Variants in ACAP2 observed in about 807,000 individuals in gnomAD.
ACAP2 encodes the protein ArfGAP with coiled-coil, ankyrin repeat and PH domains 2.
A neutral mutation model predicts 115.8 loss-of-function variants in ACAP2; 39 were observed. The observed-to-expected ratio is 0.34, with a 90% CI of 0.26 to 0.44. The LOEUF (loss-of-function observed/expected upper bound fraction) is 0.44. Ranked by LOEUF, ACAP2 falls within the 20% of genes least tolerant of loss-of-function variation. The pLI is 1.00. For synonymous variants in ACAP2, 289 were observed against 315.8 expected (o/e 0.92, Z 0.90); for missense variants, 662 against 927.6 (o/e 0.71, Z 3.72).
At chr3:195,292,565 A>T in intron 18 of ACAP2, 113 bp from the exon 19 acceptor site, 1 of 972,082 alleles carries the variant, frequency 1.0e-6, no homozygotes, top group Non-Finnish European at 1.5e-6. Flanking sequence ...CTGTGGATGA[A>T]TGGCAGTAAA....
intron 9 of ACAP2, among the ~76,000 whole-genome samples, chr3:195,326,079 G>A (rs934948095): frequency 2.0e-5 from 3 of 152,012 alleles, no homozygotes; most frequent in East Asian, 1.9e-4. Flanking sequence ...TTCTATATCA[G>A]ATCTAGTTTA....
intron 4 of ACAP2, among the ~76,000 whole-genome samples, chr3:195,347,885 A>G (rs995687111): frequency 6.6e-6 from 1 of 152,062 alleles, no homozygotes; most frequent in Non-Finnish European, 1.5e-5. Context: ...GGTGGCACAC[A>G]CTTGTAGTCC....
At chr3:195,396,566 TC>T (rs902299249) in intron 1 of ACAP2, among the ~76,000 whole-genome samples, 7 of 152,002 alleles carry the variant, frequency 4.6e-5, no homozygotes, top group African/African-American at 1.7e-4. Flanking sequence ...GACAGGCAGA[TC>T]ACTTGAGGTC....
chr3:195,384,036 T>C (rs895175088), intron 2 of ACAP2, among the ~76,000 whole-genome samples: 3 of 152,208 alleles, frequency 2.0e-5, no homozygotes, highest in Admixed American at 1.3e-4. Flanking sequence ...GAGTGTAAAT[T>C]GGTACAATAT....
chr3:195,309,879 T>C (rs1728650739), intron 10 of ACAP2, among the ~76,000 whole-genome samples: 1 of 152,114 alleles, frequency 6.6e-6, no homozygotes, highest in Admixed American at 6.5e-5. Context: ...GTATTACATA[T>C]TTACTAATTC....
Position 195,310,881 on chromosome 3 carries a change from C to T in ACAP2, c.858-2044G>A, listed in dbSNP as rs529069801. Reference sequence around the variant, plus strand: ...TAATTTTACATCTCTTAAGGAAAAACGTCATATATCCTAGGTAGAAAACAT... The same window carrying T: ...TAATTTTACATCTCTTAAGGAAAAATGTCATATATCCTAGGTAGAAAACAT... On this transcript the variant is annotated intron_variant, in intron 10 of 22. Transcript: ENST00000326793. Among the ~76,000 whole-genome samples the T allele has an allele frequency of 3.9e-5, 6 of 152,040 alleles. No homozygotes were observed. In the East Asian group the frequency reaches 7.7e-4, roughly 20 times the overall value.
rs1478958375 is a variant in ACAP2, at chr3:195,403,564, A to G, written c.54-11417T>C. ...TGAGAAATGCTAAGATTCTGGATAT[A>G]TTTTGTATGTAGAACCAAGAGGATT... On this transcript the variant is annotated intron_variant, in intron 1 of 22. Transcript: ENST00000326793. 2.6e-5 allele frequency among the ~76,000 whole-genome samples: 4 copies of G among 152,368 alleles called. 1 individual carries two copies. The highest frequency in any genetic ancestry group is 5.9e-5 in the Non-Finnish European group (4 of 68,034).
intron 18 of ACAP2, among the ~76,000 whole-genome samples, chr3:195,293,990 T>A (rs1203009299): frequency 1.3e-5 from 2 of 149,694 alleles, no homozygotes; most frequent in South Asian, 4.3e-4. Flanking sequence ...AAAAAAAAAA[T>A]TAGCCAGGCA....
chr3:195,401,640 T>C (rs1228362105), intron 1 of ACAP2, among the ~76,000 whole-genome samples: 1 of 152,144 alleles, frequency 6.6e-6, no homozygotes, highest in Non-Finnish European at 1.5e-5. Context: ...GCGCTCCAGC[T>C]TGGGAGACAG....
chr3:195,283,252 G>A (rs1273631840), intron 22 of ACAP2, among the ~76,000 whole-genome samples: 1 of 152,072 alleles, frequency 6.6e-6, no homozygotes, highest in Admixed American at 6.6e-5. Context: ...TCTCCTAAGG[G>A]CTACTGGGAC....
At chr3:195,426,021 T>C (rs1407053098) in intron 1 of ACAP2, among the ~76,000 whole-genome samples, 1 of 152,206 alleles carries the variant, frequency 6.6e-6, no homozygotes, top group Non-Finnish European at 1.5e-5. Flanking sequence ...GCTAAAAGCT[T>C]TCTAATTGCT....
At chr3:195,436,216 T>C (rs1715534618) in intron 1 of ACAP2, among the ~76,000 whole-genome samples, 1 of 151,392 alleles carries the variant, frequency 6.6e-6, no homozygotes, top group Admixed American at 6.6e-5. Context: ...AACCTCCACC[T>C]CTCCCAGGCT....
chr3:195,389,664 T>C (rs1734525634), intron 2 of ACAP2, among the ~76,000 whole-genome samples: 1 of 152,066 alleles, frequency 6.6e-6, no homozygotes, highest in African/African-American at 2.4e-5. Flanking sequence ...ATAAATGTAA[T>C]GCCTCAGGGT....
At chr3:195,312,856 C>G (rs532756146) in intron 10 of ACAP2, 3 of 152,264 alleles carry the variant, frequency 2.0e-5, no homozygotes, top group Admixed American at 1.3e-4. Context: ...TGCAAGTAAT[C>G]CAACTGGAAT....
At chr3:195,405,909 G>A (rs1433619669) in intron 1 of ACAP2, among the ~76,000 whole-genome samples, 1 of 152,094 alleles carries the variant, frequency 6.6e-6, no homozygotes, top group Non-Finnish European at 1.5e-5. Flanking sequence ...AACAGATCTT[G>A]TGAGAACTTC....
At chr3:195,281,768 AAAAT>A (rs1474605646) in intron 22 of ACAP2, among the ~76,000 whole-genome samples, 3 of 152,240 alleles carry the variant, frequency 2.0e-5, no homozygotes, top group African/African-American at 7.2e-5. Context: ...TAAAAGATAG[AAAAT>A]AAATAGAGCA....
intron 10 of ACAP2, among the ~76,000 whole-genome samples, chr3:195,317,079 G>A (rs1729143929): frequency 6.6e-6 from 1 of 151,374 alleles, no homozygotes; most frequent in African/African-American, 2.4e-5. Flanking sequence ...TGTATTTTTA[G>A]TAGAGATGGG....
rs1458615235 is a variant in ACAP2, at chr3:195,294,564, G to A, written c.1765+155C>T. ...CTGCACTCCAGCCTGGGCAGTAAGA[G>A]TGAAACTCCATCTCAAAAAAAAAAG... On this transcript the variant is annotated intron_variant, in intron 18 of 22. Coordinates refer to ENST00000326793, the MANE Select transcript of ACAP2 (RefSeq NM_012287.6). Among the ~76,000 whole-genome samples, 22 of 128,444 alleles carry A rather than the reference G, an allele frequency of 1.7e-4. 1 individual carries two copies. The highest frequency in any genetic ancestry group is 2.5e-4 in the South Asian group (1 of 3,926). The allele number at this position is 128,444 out of a possible 152,430, so 84.3% of individuals were successfully genotyped here. A position where few individuals can be genotyped will look rare whatever the true frequency, so the allele number is the denominator to read the frequency against.
intron 4 of ACAP2, among the ~76,000 whole-genome samples, chr3:195,359,553 T>C: frequency 6.6e-6 from 1 of 152,188 alleles, no homozygotes. Flanking sequence ...CTGCAAGCTC[T>C]GCCTCCGGGG....
Sources: gnomAD v4.1 joint callset for allele counts (sites outside exome capture counted in the v4.1 genomes callset) on GRCh38, gnomAD v4.1.1 for gene constraint, MANE v1.5 for transcripts, NCBI Gene and HGNC (gene_info 2026-07-23, HGNC 2026-07-21) for gene names.